MAP9: variants seen among roughly 807,000 people sequenced by gnomAD.
MAP9 encodes the protein microtubule-associated protein 9.
In MAP9, 80 loss-of-function variants were observed where a neutral mutation model predicts 75.2. The ratio of observed to expected loss-of-function variants is 1.06; its 90% CI spans 0.89 to 1.28. The LOEUF (loss-of-function observed/expected upper bound fraction) is 1.28. Among genes scored for constraint, MAP9 ranks in the 50% most tolerant of loss-of-function variants. The pLI, the probability that MAP9 is intolerant of heterozygous loss-of-function variation, is 0.00. For missense variants in MAP9, 753 were observed against 719.9 expected (o/e 1.05, Z -0.53); for synonymous variants, 235 against 237.3 (o/e 0.99, Z 0.09).
chr4:155,368,336 T>G, intron 5 of MAP9: 1 of 595,430 alleles, frequency 1.7e-6, no homozygotes. Flanking sequence ...TGGTGTGTTA[T>G]AGTTTAATTG....
At position 155,375,759 on chromosome 4, in the gene MAP9, A is replaced by G; in HGVS notation, c.75+17T>C. On this transcript the variant is annotated intron_variant, in intron 2 of 13. Transcript: ENST00000311277. ...AGTGTTTACACTGTGAAATGATTCC[A>G]AATAAAAATACTTTACCTGGAAAGT... The G allele has an allele frequency of 6.5e-7, 1 of 1,534,212 alleles. No homozygotes were observed. The highest frequency in any genetic ancestry group is 1.4e-5 in the African/African-American group (1 of 73,186).
chr4:155,360,206 T>G lies in MAP9; in HGVS notation c.1012A>C (p.Ser338Arg). ...GTTGCACTGGTAGATATTAAGATAC[T>G]CTGAGATTTAGATAGTAGTGGATCA... ...TVDPLLSKSQ[S>R]ILISTSATAS... Residue 338 changes from serine to arginine, a missense_variant, in exon 7 of 14, where the codon AGT (serine) becomes CGT (arginine). Ser to Arg is a moderately radical substitution (Grantham distance 110). Coordinates refer to ENST00000311277, the MANE Select transcript of MAP9 (RefSeq NM_001039580.2). 3 of 1,612,636 alleles carry G rather than the reference T, an allele frequency of 1.9e-6. No individual in the cohort carries two copies. The highest frequency in any genetic ancestry group is 2.5e-6 in the Non-Finnish European group (3 of 1,178,934).
At position 155,345,906 on chromosome 4, in the gene MAP9, C is replaced by T. The variant is rs1731267557; in HGVS notation, c.*1877G>A. 6.6e-6 allele frequency: 1 copy of T among 152,054 alleles called. No homozygotes were observed. The highest frequency in any genetic ancestry group is 2.4e-5 in the African/African-American group (1 of 41,402). 9.4% of individuals were successfully genotyped at this position (152,054 alleles called of 1,614,324 possible). On this transcript the variant is annotated 3_prime_UTR_variant, in exon 14 of 14. Transcript: ENST00000311277. Reference sequence around the variant, plus strand: ...AGCTAATACAATAAACACTTTTAATCTATTTTGGCAGGCACTGTTTTTGGT... The same window carrying T: ...AGCTAATACAATAAACACTTTTAATTTATTTTGGCAGGCACTGTTTTTGGT...
chr4:155,369,078 G>A (rs1036533255), intron 4 of MAP9, among the ~76,000 whole-genome samples: 9 of 152,050 alleles, frequency 5.9e-5, no homozygotes, highest in African/African-American at 1.4e-4. Context: ...ATCCCAGCAC[G>A]TTGGGAGGCC....
At chr4:155,359,117 C>A (rs1191446546) in intron 7 of MAP9, among the ~76,000 whole-genome samples, 1 of 151,846 alleles carries the variant, frequency 6.6e-6, no homozygotes, top group Non-Finnish European at 1.5e-5. Flanking sequence ...AAGATACCTG[C>A]ACTCATGTTT....
chr4:155,357,191 T>C (rs887898106), intron 8 of MAP9: 1 of 396,002 alleles, frequency 2.5e-6, no homozygotes, highest in African/African-American at 2.1e-5. Context: ...AGGACGATCC[T>C]GGAGAGCAAA....
In MAP9 at chr4:155,345,033, A is replaced by G. The variant is rs1731233894; in HGVS notation, c.*2750T>C. ...TCCCTTATAATACAAATTAATGTAA[A>G]CCTAATGAGTAAATATCTATATTGA... On this transcript the variant is annotated 3_prime_UTR_variant, in exon 14 of 14. Transcript: ENST00000311277. 6.6e-6 allele frequency: 1 copy of G among 151,958 alleles called. No individual in the cohort carries two copies. The allele number at this position is 151,958 out of a possible 1,614,324, so 9.4% of individuals were successfully genotyped here.
At position 155,362,069 on chromosome 4, in the gene MAP9, C is replaced by A. The variant is rs1239480117; in HGVS notation, c.781G>T (p.Glu261Ter). Reference protein sequence around the residue: ...ILGDSFSPGSEGNASGKDPNE... With the variant: ...ILGDSFSPGS ...CCACCTTTTCCAGATGCGTTTCCCT[C>A]AGATCCTGGTGAAAAAGAATCTCCA... Residue 261 changes from glutamate (E) to a stop codon, truncating the protein, a stop_gained, in exon 6 of 14, where the codon GAG (glutamate) becomes TAG (stop). Coordinates refer to ENST00000311277, the MANE Select transcript of MAP9 (RefSeq NM_001039580.2). LOFTEE classifies it high-confidence loss of function. 1 of 1,600,956 alleles carries A rather than the reference C, an allele frequency of 6.2e-7. No homozygotes were observed. Among genetic ancestry groups the A allele is most frequent in the Non-Finnish European group, 8.5e-7 (1 of 1,173,740 alleles).
intron 7 of MAP9, among the ~76,000 whole-genome samples, chr4:155,359,428 G>A (rs1353453059): frequency 3.3e-5 from 5 of 151,914 alleles, no homozygotes; most frequent in Non-Finnish European, 7.4e-5. Flanking sequence ...AATAGATAAT[G>A]GAGACTAGGA....
At chr4:155,366,285 G>T (rs1732325035) in intron 5 of MAP9, among the ~76,000 whole-genome samples, 2 of 151,834 alleles carry the variant, frequency 1.3e-5, no homozygotes, top group South Asian at 2.1e-4. Context: ...AGTGAACCTG[G>T]GAGGCAGAGC....
intron 12 of MAP9, 24 bp from the exon 13 acceptor site, chr4:155,352,752 TG>T: frequency 6.6e-7 from 1 of 1,526,164 alleles, no homozygotes. Context: ...TATAAAACAC[TG>T]GAGAGTTAAA....
rs1325074994 is a variant in MAP9, at chr4:155,343,578, T to C, written c.*4205A>G. On this transcript the variant is annotated 3_prime_UTR_variant, in exon 14 of 14. Coordinates refer to ENST00000311277, the MANE Select transcript of MAP9 (RefSeq NM_001039580.2). Reference sequence around the variant, plus strand: ...TATTAGCATATGATTATTTTATCCTTAGCCCACAAATAAAACTCACACCAC... The same window carrying C: ...TATTAGCATATGATTATTTTATCCTCAGCCCACAAATAAAACTCACACCAC... 6.6e-6 allele frequency: 1 copy of C among 151,830 alleles called. No homozygotes were observed. Among genetic ancestry groups the C allele is most frequent in the Non-Finnish European group, 1.5e-5 (1 of 67,800 alleles). The allele number at this position is 151,830 out of a possible 1,614,324, so 9.4% of individuals were successfully genotyped here.
intron 12 of MAP9, 23 bp downstream of exon 12, chr4:155,352,889 A>G (rs1384100160): frequency 6.7e-6 from 10 of 1,483,876 alleles, no homozygotes; most frequent in Non-Finnish European, 8.2e-6. Context: ...AAATATATCA[A>G]AATATTTATG....
intron 5 of MAP9, 64 bp from the exon 6 acceptor site, chr4:155,362,205 T>C (rs1732116372): frequency 1.0e-6 from 1 of 971,702 alleles, no homozygotes; most frequent in Non-Finnish European, 1.5e-6. Flanking sequence ...ATGGGAACAA[T>C]AGCATTATTA....
At position 155,346,419 on chromosome 4, in the gene MAP9, T is replaced by C. The variant is rs1353622745; in HGVS notation, c.*1364A>G. On this transcript the variant is annotated 3_prime_UTR_variant, in exon 14 of 14. Coordinates refer to ENST00000311277, the MANE Select transcript of MAP9 (RefSeq NM_001039580.2). ...AAACGTGTTTGTAACGTTGATATTA[T>C]GCAGAGGTCTTGACAGAACTTGGCA... is the stretch of plus-strand genomic sequence containing the variant. The C allele has an allele frequency of 2.0e-5, 3 of 152,202 alleles. No homozygotes were observed. Among genetic ancestry groups the C allele is most frequent in the Non-Finnish European group, 4.4e-5 (3 of 68,036 alleles). 9.4% of individuals were successfully genotyped at this position (152,202 alleles called of 1,614,324 possible). A position where few individuals can be genotyped will look rare whatever the true frequency, so the allele number is the denominator to read the frequency against.
intron 5 of MAP9, among the ~76,000 whole-genome samples, chr4:155,365,670 A>G (rs1324889582): frequency 6.6e-6 from 1 of 152,102 alleles, no homozygotes; most frequent in South Asian, 2.1e-4. Context: ...TCTCTAGACT[A>G]CAACAAAATT....
chr4:155,357,379 G>C, intron 8 of MAP9, 70 bp downstream of exon 8: 1 of 975,818 alleles, frequency 1.0e-6, no homozygotes, highest in Middle Eastern at 2.1e-4. Context: ...TTTACTTTAT[G>C]AAAGTTAAAT....
chr4:155,352,970 T>C lies in MAP9; in HGVS notation c.1630A>G (p.Lys544Glu). ...TTCTCGGCAACAGTTTCCTCCTCTT[T>C]CTGTTTCTTTGCTCTTTCATATTCT... ...EREYERAKKQ[K>E]EEETVAEKKK... Residue 544 changes from lysine to glutamate, a missense_variant, in exon 12 of 14, where the codon AAA (lysine) becomes GAA (glutamate). By Grantham distance (56) the Lys-to-Glu change is moderately conservative. Transcript: ENST00000311277. The C allele has an allele frequency of 6.5e-7, 1 of 1,544,432 alleles. No individual in the cohort carries two copies. The highest frequency in any genetic ancestry group is 8.8e-7 in the Non-Finnish European group (1 of 1,140,914).
chr4:155,375,936 A>G, intron 1 of MAP9, 22 bp from the exon 2 acceptor site: 3 of 869,038 alleles, frequency 3.5e-6, no homozygotes, highest in Non-Finnish European at 5.6e-6. Context: ...AAAACAAATC[A>G]GACTTCGCAT....
Sources: gnomAD v4.1 joint callset for allele counts (sites outside exome capture counted in the v4.1 genomes callset) on GRCh38, gnomAD v4.1.1 for gene constraint, MANE v1.5 for transcripts, NCBI Gene and HGNC (gene_info 2026-07-23, HGNC 2026-07-21) for gene names.